Variants in LUZP2 observed in about 807,000 individuals in gnomAD.
The protein encoded by LUZP2 is leucine zipper protein 2.
LUZP2 carries 52 observed loss-of-function variants against 51.6 expected under a neutral mutation model. That is an observed-to-expected ratio of 1.01 (90% CI 0.81 to 1.27). The LOEUF is 1.27. LUZP2 is among the 50% of genes most tolerant of loss of function. The pLI, the probability that LUZP2 is intolerant of heterozygous loss-of-function variation, is 0.00. For missense variants in LUZP2, 436 were observed against 395.4 expected (o/e 1.10, Z -0.87); for synonymous variants, 154 against 137.3 (o/e 1.12, Z -0.85).
rs1852149254 is a variant in LUZP2, at chr11:24,564,359, A to AT, written c.62+67057dup. 2.0e-5 allele frequency among the ~76,000 whole-genome samples: 3 copies of AT among 152,262 alleles called. No individual in the cohort carries two copies. The South Asian group carries it at 6.2e-4, about 32-fold the overall frequency. ...CAAAATATATCACTAATAAAGTAAA[A>AT]TTTGTTTTTAATATAACTGAAATTT... is the stretch of plus-strand genomic sequence containing the variant. On this transcript the variant is annotated intron_variant, in intron 1 of 11. Transcript: ENST00000336930.
rs73440903 is a variant in LUZP2 at position 24,729,128 on chromosome 11, A to G, written c.63-41A>G. ...AGTGATTATGACTGATGCCAAGTGG[A>G]ACCATTTGGGGGGCTCTCATGCCTG... On this transcript the variant is annotated intron_variant, in intron 1 of 11. Coordinates refer to ENST00000336930, the MANE Select transcript of LUZP2 (RefSeq NM_001009909.4). The G allele has an allele frequency of 5.0e-3, 5,279 of 1,062,040 alleles. 209 individuals carry two copies. The African/African-American group carries it at 0.076, about 15-fold the overall frequency. The allele number at this position is 1,062,040 out of a possible 1,614,324, so 65.8% of individuals were successfully genotyped here.
chr11:25,025,200 A>T (rs1029289858), intron 9 of LUZP2, among the ~76,000 whole-genome samples: 8 of 152,146 alleles, frequency 5.3e-5, no homozygotes, highest in African/African-American at 1.9e-4. Context: ...ACCCTAGAAG[A>T]AAACCTAGGC....
intron 1 of LUZP2, among the ~76,000 whole-genome samples, chr11:24,634,547 A>G (rs1855009452): frequency 6.6e-6 from 1 of 151,646 alleles, no homozygotes; most frequent in Non-Finnish European, 1.5e-5. Context: ...TTTCCCCCAT[A>G]CTGTAACTAA....
intron 5 of LUZP2, among the ~76,000 whole-genome samples, chr11:24,882,186 G>T (rs1852490490): frequency 6.6e-6 from 1 of 151,920 alleles, no homozygotes; most frequent in Non-Finnish European, 1.5e-5. Flanking sequence ...TACATGAGAG[G>T]TCCAACATAC....
intron 1 of LUZP2, among the ~76,000 whole-genome samples, chr11:24,563,827 CATTTT>C (rs1458529146): frequency 4.6e-5 from 7 of 151,980 alleles, no homozygotes; most frequent in Admixed American, 1.3e-4. Context: ...TTTATATCTT[CATTTT>C]ATTTTATTTT....
At chr11:24,616,460 G>T (rs1217169424) in intron 1 of LUZP2, among the ~76,000 whole-genome samples, 2 of 120,152 alleles carry the variant, frequency 1.7e-5, no homozygotes, top group East Asian at 2.1e-4. Flanking sequence ...TGTGTGTGTG[G>T]TATTTGGCGT....
intron 9 of LUZP2, among the ~76,000 whole-genome samples, chr11:25,030,888 A>ATAATATATATAATATATATTG (rs1409470948): frequency 2.7e-4 from 3 of 10,992 alleles, no homozygotes; most frequent in African/African-American, 4.5e-4. Flanking sequence ...GTTACTATAT[A>ATAATATATATAATATATATTG]TATTATATAT....
intron 9 of LUZP2, among the ~76,000 whole-genome samples, chr11:25,021,549 A>T (rs1857333900): frequency 6.6e-6 from 1 of 151,906 alleles, no homozygotes. Context: ...GCTTGAGATC[A>T]TGATTAGTGT....
intron 1 of LUZP2, among the ~76,000 whole-genome samples, chr11:24,564,519 C>A (rs1215394205): frequency 1.3e-5 from 2 of 152,046 alleles, no homozygotes; most frequent in Non-Finnish European, 2.9e-5. Context: ...TATTTTCAGG[C>A]ATATTTTGAT....
intron 5 of LUZP2, among the ~76,000 whole-genome samples, chr11:24,816,682 T>C (rs1304732469): frequency 6.6e-6 from 1 of 152,094 alleles, no homozygotes; most frequent in Non-Finnish European, 1.5e-5. Flanking sequence ...GTTATTTCAC[T>C]TAATTCTCAT....
Position 24,924,607 on chromosome 11 carries a change from C to T in LUZP2, c.522+10069C>T, listed in dbSNP as rs569393251. ...CAATTAATTTAGAAGTTTATTTTGC[C>T]AAGGTTAAGGGCATACCTGTGACAC... On this transcript the variant is annotated intron_variant, in intron 7 of 11. Transcript: ENST00000336930. 2.6e-5 allele frequency among the ~76,000 whole-genome samples: 4 copies of T among 152,142 alleles called. No individual in the cohort carries two copies. In the East Asian group the frequency reaches 7.7e-4, roughly 29 times the overall value.
intron 4 of LUZP2, among the ~76,000 whole-genome samples, chr11:24,749,678 C>A (rs1382147210): frequency 6.6e-6 from 1 of 152,122 alleles, no homozygotes; most frequent in Admixed American, 6.5e-5. Flanking sequence ...TAGGAATAGA[C>A]AGACCCTTGA....
At chr11:25,059,299 A>G (rs1007932009) in intron 10 of LUZP2, among the ~76,000 whole-genome samples, 4 of 152,184 alleles carry the variant, frequency 2.6e-5, no homozygotes, top group Admixed American at 6.5e-5. Flanking sequence ...TTGACAATGA[A>G]TTTCTGAAAA....
intron 5 of LUZP2, among the ~76,000 whole-genome samples, chr11:24,860,738 G>A (rs1312979247): frequency 2.0e-5 from 3 of 151,988 alleles, no homozygotes; most frequent in Non-Finnish European, 4.4e-5. Flanking sequence ...AAGACAAACA[G>A]GCAGAAAACA....
chr11:24,773,064 T>G (rs536794568), intron 5 of LUZP2, among the ~76,000 whole-genome samples: 12 of 139,784 alleles, frequency 8.6e-5, no homozygotes, highest in African/African-American at 3.1e-4. Flanking sequence ...TTTTGTATAT[T>G]CCTCATAAAC....
intron 5 of LUZP2, among the ~76,000 whole-genome samples, chr11:24,823,859 C>G (rs778679542): frequency 3.3e-5 from 5 of 151,746 alleles, no homozygotes; most frequent in Non-Finnish European, 7.4e-5. Context: ...GTCAGGAGAT[C>G]GAGACCATCC....
chr11:24,786,079 T>C, intron 5 of LUZP2: 1 of 985,302 alleles, frequency 1.0e-6, no homozygotes, highest in South Asian at 4.7e-5. Context: ...TTTCATCGGC[T>C]GGCACCTGGT....
chr11:24,590,639 T>C (rs1378156324), intron 1 of LUZP2, among the ~76,000 whole-genome samples: 2 of 152,152 alleles, frequency 1.3e-5, no homozygotes, highest in African/African-American at 4.8e-5. Flanking sequence ...ATATCCATGG[T>C]GTTAAAAAAT....
chr11:25,023,254 T>G (rs982977213), intron 9 of LUZP2, among the ~76,000 whole-genome samples: 1 of 152,182 alleles, frequency 6.6e-6, no homozygotes, highest in Non-Finnish European at 1.5e-5. Context: ...TCTGGTAGAA[T>G]TCGGCTGTGA....
Sources: gnomAD v4.1 joint callset for allele counts (sites outside exome capture counted in the v4.1 genomes callset) on GRCh38, gnomAD v4.1.1 for gene constraint, MANE v1.5 for transcripts, NCBI Gene and HGNC (gene_info 2026-07-23, HGNC 2026-07-21) for gene names.